NTNG1: variants seen among roughly 807,000 people sequenced by gnomAD.
NTNG1 encodes netrin-G1.
In NTNG1, 16 loss-of-function variants were observed where a neutral mutation model predicts 54.0. That is an observed-to-expected ratio of 0.30 (90% CI 0.20 to 0.45). The LOEUF is 0.45. Ranked by LOEUF, NTNG1 falls within the 20% of genes least tolerant of loss-of-function variation. The pLI is 1.00. For missense variants in NTNG1, 530 were observed against 678.7 expected (o/e 0.78, Z 2.43); for synonymous variants, 255 against 263.1 (o/e 0.97, Z 0.30).
intron 2 of NTNG1, among the ~76,000 whole-genome samples, chr1:107,187,633 G>A (rs917021643): frequency 6.6e-6 from 1 of 152,154 alleles, no homozygotes; most frequent in Non-Finnish European, 1.5e-5. Flanking sequence ...AGGGTTCAGA[G>A]CACAGCTGTT....
intron 7 of NTNG1, among the ~76,000 whole-genome samples, chr1:107,448,145 T>G (rs142680609): frequency 3.9e-5 from 6 of 152,228 alleles, no homozygotes; most frequent in African/African-American, 1.4e-4. Context: ...CTGATCATAG[T>G]TATCTCTGAC....
chr1:107,448,013 A>T (rs1464073050), intron 7 of NTNG1, among the ~76,000 whole-genome samples: 1 of 152,118 alleles, frequency 6.6e-6, no homozygotes, highest in Non-Finnish European at 1.5e-5. Context: ...GCACTAGAAG[A>T]TAAATGGGAT....
intron 3 of NTNG1, among the ~76,000 whole-genome samples, chr1:107,372,887 C>T (rs183805251): frequency 3.8e-4 from 58 of 152,164 alleles, no homozygotes; most frequent in Admixed American, 1.9e-3. Flanking sequence ...AATTAAATAA[C>T]CTACATTAAC....
intron 2 of NTNG1, among the ~76,000 whole-genome samples, chr1:107,313,245 A>G (rs965537645): frequency 3.3e-5 from 5 of 152,200 alleles, no homozygotes; most frequent in Non-Finnish European, 5.9e-5. Flanking sequence ...TTTGTCTGGT[A>G]TTTCCTCATG....
Position 107,262,336 on chromosome 1 carries a change from G to A in NTNG1, c.247-61946G>A, listed in dbSNP as rs144724469. Among the ~76,000 whole-genome samples, 18 of 152,252 alleles carry A rather than the reference G, an allele frequency of 1.2e-4. No individual in the cohort carries two copies. The East Asian group carries it at 3.5e-3, about 29-fold the overall frequency. On this transcript the variant is annotated intron_variant, in intron 2 of 7. Coordinates refer to ENST00000370068, the MANE Select transcript of NTNG1 (RefSeq NM_001113226.3). ...ATGGAGTCTTTTGTGGGTAATGAGG[G>A]CAGTTCAGGGAGAAGAGGGCAGTAG...
chr1:107,449,872 C>T (rs1207471603), intron 7 of NTNG1, among the ~76,000 whole-genome samples: 1 of 152,082 alleles, frequency 6.6e-6, no homozygotes, highest in Admixed American at 6.6e-5. Flanking sequence ...TATCTTGACA[C>T]ACATGATTAG....
chr1:107,349,712 C>T (rs1434817007), intron 3 of NTNG1, among the ~76,000 whole-genome samples: 3 of 152,006 alleles, frequency 2.0e-5, no homozygotes, highest in South Asian at 2.1e-4. Context: ...TTTTAAGTGT[C>T]GTAGTGTATG....
intron 7 of NTNG1, among the ~76,000 whole-genome samples, chr1:107,462,513 A>T (rs1677339396): frequency 6.6e-6 from 1 of 152,186 alleles, no homozygotes; most frequent in Non-Finnish European, 1.5e-5. Flanking sequence ...TCCTCAATAA[A>T]TAGATGTTCG....
chr1:107,202,414 T>C (rs944473871), intron 2 of NTNG1, among the ~76,000 whole-genome samples: 3 of 151,962 alleles, frequency 2.0e-5, no homozygotes, highest in Non-Finnish European at 2.9e-5. Flanking sequence ...AAATGGTGCA[T>C]AGCATTTAGC....
chr1:107,374,581 A>G (rs1348750439), intron 3 of NTNG1, among the ~76,000 whole-genome samples: 1 of 152,090 alleles, frequency 6.6e-6, no homozygotes, highest in Non-Finnish European at 1.5e-5. Flanking sequence ...TTAAAAATAT[A>G]TATCTATATA....
At chr1:107,370,223 T>C (rs906967470) in intron 3 of NTNG1, among the ~76,000 whole-genome samples, 7 of 147,322 alleles carry the variant, frequency 4.8e-5, no homozygotes, top group South Asian at 2.2e-4. Context: ...AATTTTAGAA[T>C]GAGCTTGTCA....
chr1:107,256,781 C>T (rs1263577928), intron 2 of NTNG1, among the ~76,000 whole-genome samples: 1 of 152,180 alleles, frequency 6.6e-6, no homozygotes, highest in Non-Finnish European at 1.5e-5. Flanking sequence ...TTGGCATTTA[C>T]CCTGCAGAAA....
chr1:107,376,371 G>GCA (rs1438016399), intron 3 of NTNG1, among the ~76,000 whole-genome samples: 1 of 150,494 alleles, frequency 6.6e-6, no homozygotes, highest in Non-Finnish European at 1.5e-5. Context: ...TCGCGCCACT[G>GCA]CACTCCAGCC....
intron 2 of NTNG1, among the ~76,000 whole-genome samples, chr1:107,217,253 G>C (rs957845798): frequency 4.6e-5 from 7 of 152,230 alleles, no homozygotes; most frequent in African/African-American, 1.7e-4. Flanking sequence ...CAGTAGCCTT[G>C]AATGACCTTC....
At chr1:107,321,009 C>T (rs1667629068) in intron 2 of NTNG1, among the ~76,000 whole-genome samples, 1 of 152,074 alleles carries the variant, frequency 6.6e-6, no homozygotes, top group Non-Finnish European at 1.5e-5. Context: ...TTCCTCTGAT[C>T]ATCTCCGGTG....
Position 107,469,521 on chromosome 1 carries a change from C to G in NTNG1, c.1391-11090C>G, listed in dbSNP as rs918687705. ...TTTTTGAGTCAGAGTCTCTCTCTGTCTCCCAGGCTGGAGTGCAGTGGCACA... is the reference window on the plus strand; with the variant it reads ...TTTTTGAGTCAGAGTCTCTCTCTGTGTCCCAGGCTGGAGTGCAGTGGCACA... On this transcript the variant is annotated intron_variant, in intron 7 of 7. Transcript: ENST00000370068. Among the ~76,000 whole-genome samples, 3 of 152,162 alleles carry G rather than the reference C, an allele frequency of 2.0e-5. 1 individual carries two copies. The highest frequency in any genetic ancestry group is 4.1e-4 in the South Asian group (2 of 4,822).
intron 7 of NTNG1, among the ~76,000 whole-genome samples, chr1:107,439,473 C>A (rs651498): frequency 0.96 from 145,867 of 152,160 alleles, 70,227 homozygotes; most frequent in East Asian, 1. Context: ...TAAGCAGAGA[C>A]ATGAAAGGAA....
intron 2 of NTNG1, among the ~76,000 whole-genome samples, chr1:107,150,481 A>C (rs1016819680): frequency 6.6e-6 from 1 of 152,198 alleles, no homozygotes; most frequent in Non-Finnish European, 1.5e-5. Context: ...TTCCAGGCCA[A>C]GTCTGCATAT....
chr1:107,435,009 G>C (rs1455127502), intron 6 of NTNG1, among the ~76,000 whole-genome samples: 1 of 152,044 alleles, frequency 6.6e-6, no homozygotes, highest in Non-Finnish European at 1.5e-5. Flanking sequence ...ATGTTTTACT[G>C]TTTTGTTTAA....
Sources: allele counts gnomAD v4.1 joint callset (sites outside exome capture counted in the v4.1 genomes callset), GRCh38; gene constraint gnomAD v4.1.1; transcripts MANE v1.5; gene names NCBI Gene and HGNC (gene_info 2026-07-23, HGNC 2026-07-21).